CNBD1: variants seen among roughly 807,000 people sequenced by gnomAD.
CNBD1 encodes cyclic nucleotide-binding domain-containing protein 1.
CNBD1 carries 71 observed loss-of-function variants against 54.4 expected under a neutral mutation model. That is an observed-to-expected ratio of 1.30 (90% CI 1.08 to 1.59). CNBD1 has a LOEUF of 1.59. CNBD1 is among the 40% of genes most tolerant of loss of function. CNBD1 has a pLI of 0.00. For synonymous variants in CNBD1, 182 were observed against 170.7 expected (o/e 1.07, Z -0.51); for missense variants, 659 against 518.0 (o/e 1.27, Z -2.64).
chr8:87,195,481 G>T (rs1336968734), intron 4 of CNBD1, among the ~76,000 whole-genome samples: 1 of 151,244 alleles, frequency 6.6e-6, no homozygotes, highest in Non-Finnish European at 1.5e-5. Flanking sequence ...ACCCACCTTG[G>T]CCTCCCAAAG....
downstream of CNBD1, among the ~76,000 whole-genome samples, chr8:87,385,311 C>G (rs1037185597): frequency 6.6e-6 from 1 of 152,122 alleles, no homozygotes; most frequent in African/African-American, 2.4e-5. Context: ...TGAGCCAAAA[C>G]AGGGCAAGGC....
At chr8:87,254,214 C>A (rs1807963841) in intron 6 of CNBD1, among the ~76,000 whole-genome samples, 1 of 152,052 alleles carries the variant, frequency 6.6e-6, no homozygotes, top group Non-Finnish European at 1.5e-5. Flanking sequence ...GGACGAAATC[C>A]TTGGAAAAGA....
intron 2 of CNBD1, among the ~76,000 whole-genome samples, chr8:87,424,366 T>G (rs1465665251): frequency 1.8e-4 from 27 of 152,130 alleles, no homozygotes; most frequent in Non-Finnish European, 2.1e-4. Context: ...AATTGTGATG[T>G]TAGGGTGTCA....
At chr8:86,966,018 T>G (rs114520096) in intron 4 of CNBD1, among the ~76,000 whole-genome samples, 2,963 of 152,220 alleles carry the variant, frequency 0.019, 75 homozygotes, top group African/African-American at 0.061. Flanking sequence ...CCTCTGCCCT[T>G]CTCTGGCTGA....
chr8:87,284,322 T>C (rs1808651555), intron 6 of CNBD1, among the ~76,000 whole-genome samples: 1 of 152,138 alleles, frequency 6.6e-6, no homozygotes, highest in Admixed American at 6.6e-5. Context: ...ACTACCAACA[T>C]GTGATAATAA....
chr8:87,335,359 A>G (rs1428180874), intron 8 of CNBD1, among the ~76,000 whole-genome samples: 1 of 152,102 alleles, frequency 6.6e-6, no homozygotes. Flanking sequence ...GTAGGTCTCT[A>G]AGAACTTGTT....
Position 86,905,133 on chromosome 8 carries a change from C to A in CNBD1, c.211C>A (p.Pro71Thr), listed in dbSNP as rs771986009. 3 of 1,612,410 alleles carry A rather than the reference C, an allele frequency of 1.9e-6. No homozygotes were observed. The African/African-American group carries it at 4.0e-5, about 22-fold the overall frequency. Reference protein sequence around the residue: ...SAHDTFMKQYPKVFLHQKPRL... With the variant: ...SAHDTFMKQYTKVFLHQKPRL... ...TCACGATACATTTATGAAGCAATAT[C>A]CTAAAGTATTCCTGCACCAAAAACC... Residue 71 changes from proline (P) to threonine (T), a missense_variant, in exon 3 of 11, where the codon CCT (proline) becomes ACT (threonine). Transcript: ENST00000518476.
At chr8:87,298,364 A>G (rs1337815225) in intron 8 of CNBD1, among the ~76,000 whole-genome samples, 1 of 152,090 alleles carries the variant, frequency 6.6e-6, no homozygotes, top group Non-Finnish European at 1.5e-5. Flanking sequence ...GACTTAAGGT[A>G]TCCTTCTCTG....
chr8:87,171,906 G>A (rs901317041), intron 4 of CNBD1, among the ~76,000 whole-genome samples: 1 of 151,992 alleles, frequency 6.6e-6, no homozygotes, highest in Non-Finnish European at 1.5e-5. Context: ...CAAAGTGCTG[G>A]GATTACAGGC....
At chr8:87,146,340 G>T (rs901453632) in intron 4 of CNBD1, among the ~76,000 whole-genome samples, 1 of 152,054 alleles carries the variant, frequency 6.6e-6, no homozygotes. Flanking sequence ...TTACATATTT[G>T]TGTCTACACC....
chr8:87,293,501 C>T (rs2336988), intron 8 of CNBD1, among the ~76,000 whole-genome samples: 137 of 152,288 alleles, frequency 9.0e-4, no homozygotes, highest in African/African-American at 3.1e-3. Flanking sequence ...CGAGATCGTG[C>T]TGCTGCACTC....
intron 6 of CNBD1, among the ~76,000 whole-genome samples, chr8:87,264,876 G>A: frequency 6.6e-6 from 1 of 152,006 alleles, no homozygotes; most frequent in East Asian, 1.9e-4. Context: ...ATTTGTTTAA[G>A]TTCTTTGTAG....
intron 2 of CNBD1, among the ~76,000 whole-genome samples, chr8:87,425,141 G>A (rs555335898): frequency 8.6e-5 from 13 of 151,902 alleles, no homozygotes; most frequent in East Asian, 1.9e-4. Context: ...CATTCTTCAC[G>A]TAGTTCTCGG....
chr8:87,099,090 A>G (rs899821363), intron 4 of CNBD1, among the ~76,000 whole-genome samples: 4 of 150,126 alleles, frequency 2.7e-5, no homozygotes, highest in Non-Finnish European at 5.9e-5. Flanking sequence ...CCTTATGCTT[A>G]TATGCCACTG....
intron 2 of CNBD1, among the ~76,000 whole-genome samples, chr8:87,400,956 A>T (rs1485931964): frequency 6.6e-6 from 1 of 151,974 alleles, no homozygotes; most frequent in East Asian, 1.9e-4. Context: ...ATCTCTAGGT[A>T]ATTTTTGAGA....
intron 4 of CNBD1, among the ~76,000 whole-genome samples, chr8:86,961,877 CAT>C (rs750845976): frequency 3.3e-4 from 50 of 152,232 alleles, no homozygotes; most frequent in Non-Finnish European, 5.7e-4. Flanking sequence ...ACACATAACA[CAT>C]GTGTAACTAC....
chr8:87,238,594 G>A (rs571017758), intron 6 of CNBD1, among the ~76,000 whole-genome samples: 2 of 152,212 alleles, frequency 1.3e-5, no homozygotes, highest in Admixed American at 6.5e-5. Context: ...TGCAGAGGTT[G>A]AGACTGCTAT....
intron 5 of CNBD1, among the ~76,000 whole-genome samples, chr8:87,235,090 T>C (rs1807558393): frequency 6.6e-6 from 1 of 152,190 alleles, no homozygotes; most frequent in Non-Finnish European, 1.5e-5. Context: ...CATCTGGAGC[T>C]TCCTCACCCT....
chr8:87,159,606 T>C (rs1039671803), intron 4 of CNBD1, among the ~76,000 whole-genome samples: 3 of 152,082 alleles, frequency 2.0e-5, no homozygotes, highest in African/African-American at 7.2e-5. Context: ...TGATGCTGGA[T>C]GACCAGTATC....
Sources: allele counts gnomAD v4.1 joint callset (sites outside exome capture counted in the v4.1 genomes callset), GRCh38; gene constraint gnomAD v4.1.1; transcripts MANE v1.5; gene names NCBI Gene and HGNC (gene_info 2026-07-23, HGNC 2026-07-21).